Variants in LINGO2 observed in about 807,000 individuals in gnomAD.
The protein encoded by LINGO2 is leucine-rich repeat and immunoglobulin-like domain-containing nogo receptor-interacting protein 2.
In LINGO2, 14 loss-of-function variants were observed where a neutral mutation model predicts 30.6. That is an observed-to-expected ratio of 0.46 (90% CI 0.30 to 0.72). LINGO2 has a LOEUF of 0.72. Among genes scored for constraint, LINGO2 ranks in the 30% least tolerant of loss-of-function variants. The probability of loss-of-function intolerance (pLI) is 0.07; values close to 1 mark genes in which losing one functional copy is unlikely to be tolerated. For missense variants in LINGO2, 729 were observed against 751.7 expected, an observed-to-expected ratio of 0.97 and a Z score of 0.35; for synonymous variants, 317 against 288.5, an observed-to-expected ratio of 1.10 and a Z score of -1.00.
At chr9:28,214,512 A>G (rs73645617) in intron 4 of LINGO2, among the ~76,000 whole-genome samples, 7,999 of 151,568 alleles carry the variant, frequency 0.053, 281 homozygotes, top group African/African-American at 0.097. Flanking sequence ...TCCCTCAGGG[A>G]GCTTTTCCAA....
chr9:28,806,574 T>C, the LINGO2 span, among the ~76,000 whole-genome samples: 17 of 152,156 alleles, frequency 1.1e-4, no homozygotes, highest in Non-Finnish European at 1.8e-4. Context: ...CTTATCACCT[T>C]TTTTGGTTCC....
intron 3 of LINGO2, among the ~76,000 whole-genome samples, chr9:28,310,552 T>G (rs566684606): frequency 6.6e-6 from 1 of 152,284 alleles, no homozygotes; most frequent in African/African-American, 2.4e-5. Flanking sequence ...TCATAGCAGT[T>G]CTGCGCCTGA....
intron 4 of LINGO2, among the ~76,000 whole-genome samples, chr9:28,279,257 T>G (rs978339705): frequency 7.2e-5 from 11 of 152,214 alleles, no homozygotes; most frequent in African/African-American, 2.7e-4. Context: ...ATTTAGAATA[T>G]TAAATAAACT....
At chr9:28,710,691 T>C in the LINGO2 span, among the ~76,000 whole-genome samples, 4 of 152,122 alleles carry the variant, frequency 2.6e-5, no homozygotes, top group Admixed American at 6.6e-5. Context: ...AAAATGCCAC[T>C]GTCCTAGGAA....
At chr9:28,359,471 C>T (rs1160751434) in intron 3 of LINGO2, among the ~76,000 whole-genome samples, 1 of 152,126 alleles carries the variant, frequency 6.6e-6, no homozygotes, top group Non-Finnish European at 1.5e-5. Context: ...CACATACCTG[C>T]CCTAACCCTG....
At chr9:28,638,701 C>T (rs1827414018) in intron 1 of LINGO2, among the ~76,000 whole-genome samples, 1 of 151,778 alleles carries the variant, frequency 6.6e-6, no homozygotes. Flanking sequence ...CTATTTGATC[C>T]TTCACTCTTT....
intron 4 of LINGO2, among the ~76,000 whole-genome samples, chr9:28,063,058 TAC>T (rs1384142215): frequency 6.6e-6 from 1 of 152,142 alleles, no homozygotes; most frequent in Non-Finnish European, 1.5e-5. Flanking sequence ...ACTTTGCTTT[TAC>T]AGTTTTCTTA....
the LINGO2 span, among the ~76,000 whole-genome samples, chr9:28,759,481 G>T: frequency 6.6e-6 from 1 of 151,872 alleles, no homozygotes; most frequent in African/African-American, 2.4e-5. Context: ...AGGAGATCGA[G>T]ACCATCCTGG....
chr9:28,264,842 G>A (rs531932858), intron 4 of LINGO2, among the ~76,000 whole-genome samples: 2 of 152,046 alleles, frequency 1.3e-5, no homozygotes, highest in African/African-American at 4.8e-5. Flanking sequence ...TACATATGTG[G>A]TTAACAACTA....
intron 4 of LINGO2, among the ~76,000 whole-genome samples, chr9:28,146,348 ATAG>A (rs1434330032): frequency 6.6e-6 from 1 of 152,224 alleles, no homozygotes; most frequent in African/African-American, 2.4e-5. Context: ...AATAAAAACT[ATAG>A]AGTTATTTAT....
At chr9:28,679,816 TATTA>T in the LINGO2 span, among the ~76,000 whole-genome samples, 2 of 152,074 alleles carry the variant, frequency 1.3e-5, no homozygotes, top group Non-Finnish European at 2.9e-5. Flanking sequence ...TATTCATTTA[TATTA>T]ATTGATAAAA....
the LINGO2 span, among the ~76,000 whole-genome samples, chr9:28,797,448 C>T: frequency 1.3e-5 from 2 of 148,176 alleles, no homozygotes; most frequent in Admixed American, 6.8e-5. Flanking sequence ...AATGATGACA[C>T]TGATGACACT....
At chr9:28,022,970 C>T (rs910175447) in intron 4 of LINGO2, among the ~76,000 whole-genome samples, 58 of 152,126 alleles carry the variant, frequency 3.8e-4, no homozygotes, top group African/African-American at 1.4e-3. Context: ...TAATGAACTC[C>T]TCAAAGACAT....
At chr9:28,724,272 C>A in the LINGO2 span, among the ~76,000 whole-genome samples, 4 of 152,034 alleles carry the variant, frequency 2.6e-5, no homozygotes, top group African/African-American at 9.7e-5. Flanking sequence ...CTGTTTACAC[C>A]CCCATGAGAC....
At chr9:28,703,377 G>A in the LINGO2 span, among the ~76,000 whole-genome samples, 1 of 151,634 alleles carries the variant, frequency 6.6e-6, no homozygotes, top group Admixed American at 6.6e-5. Flanking sequence ...TTGGAATGAG[G>A]TGTTATTTAG....
the LINGO2 span, among the ~76,000 whole-genome samples, chr9:29,003,788 T>C: frequency 6.6e-6 from 1 of 152,016 alleles, no homozygotes; most frequent in African/African-American, 2.4e-5. Context: ...TGTGGTTATG[T>C]ACTGCATAAG....
intron 4 of LINGO2, among the ~76,000 whole-genome samples, chr9:28,192,132 CAA>C (rs1038940934): frequency 1.9e-4 from 29 of 152,010 alleles, no homozygotes; most frequent in Non-Finnish European, 3.8e-4. Flanking sequence ...TGCCACATTT[CAA>C]TATAGCACCA....
At chr9:28,458,907 T>C (rs960292445) in intron 2 of LINGO2, among the ~76,000 whole-genome samples, 2 of 152,176 alleles carry the variant, frequency 1.3e-5, no homozygotes, top group Admixed American at 6.6e-5. Context: ...CATAAAGTAG[T>C]ACGTGCCTAT....
chr9:28,313,785 T>C (rs904966677), intron 3 of LINGO2, among the ~76,000 whole-genome samples: 1 of 152,230 alleles, frequency 6.6e-6, no homozygotes, highest in Admixed American at 6.5e-5. Flanking sequence ...CAATGAATAT[T>C]AACTAGAAGT....
Sources: gnomAD v4.1 joint callset for allele counts (sites outside exome capture counted in the v4.1 genomes callset) on GRCh38, gnomAD v4.1.1 for gene constraint, MANE v1.5 for transcripts, NCBI Gene and HGNC (gene_info 2026-07-23, HGNC 2026-07-21) for gene names.